The following ITGAE variants were observed in gnomAD, a reference collection of about 807,000 sequenced individuals.
ITGAE encodes the protein integrin alpha-E.
In ITGAE, 99 loss-of-function variants were observed where a neutral mutation model predicts 136.5. The ratio of observed to expected loss-of-function variants is 0.73; its 90% CI spans 0.62 to 0.86. The LOEUF (loss-of-function observed/expected upper bound fraction) is 0.86, where lower values mean the gene tolerates loss of function less well. Ranked by LOEUF, ITGAE falls within the 40% of genes least tolerant of loss-of-function variation. ITGAE has a pLI of 0.00. For missense variants in ITGAE, 1,447 were observed against 1,515.3 expected (o/e 0.95, Z 0.75); for synonymous variants, 613 against 591.8 (o/e 1.04, Z -0.52).
rs760673876 is a variant in ITGAE at position 3,799,565 on chromosome 17, C to T, written c.34+1546G>A. ...TGGGCTTGAGCCTCGTGTCTATTAT[C>T]AGTTGCTTGCAAGCCTGGGTAGTCA... On this transcript the variant is annotated intron_variant, in intron 1 of 30. Transcript: ENST00000263087. The surrounding 1 kb of genome is among the most constrained non-coding windows in gnomAD (Gnocchi z 4.1). 3.3e-5 allele frequency among the ~76,000 whole-genome samples: 5 copies of T among 152,008 alleles called. No individual in the cohort carries two copies. Among genetic ancestry groups the T allele is most frequent in the Non-Finnish European group, 7.4e-5 (5 of 68,010 alleles).
intron 1 of ITGAE, among the ~76,000 whole-genome samples, chr17:3,781,808 T>A (rs557600187): frequency 6.6e-6 from 1 of 152,204 alleles, no homozygotes; most frequent in African/African-American, 2.4e-5. Context: ...AGTTTGGAAA[T>A]GCTACCTTTA....
At chr17:3,743,700 T>C (rs2051642163) in intron 18 of ITGAE, 83 bp from the exon 19 acceptor site, 5 of 1,301,798 alleles carry the variant, frequency 3.8e-6, no homozygotes, top group Admixed American at 2.8e-5. Context: ...TCTTTTTCTT[T>C]TTTTCTTTTT....
In ITGAE at chr17:3,763,920, G is replaced by A; in HGVS notation, c.196C>T (p.Pro66Ser). ...TSPRTKRTPG[P>S]LHRCSLVQDE... Reference sequence around the variant, plus strand: ...TGGACAAGGGAACATCGATGGAGGGGCCCTGGTGTCCTCTTGGTTCTGGGG... The same window carrying A: ...TGGACAAGGGAACATCGATGGAGGGACCCTGGTGTCCTCTTGGTTCTGGGG... The change falls in exon 3 of 31, where the codon CCC becomes TCC. Residue 66 changes from proline to serine, a missense_variant. By Grantham distance (74) the Pro-to-Ser change is moderately conservative. Transcript: ENST00000263087. 1 of 1,613,804 alleles carries A rather than the reference G, an allele frequency of 6.2e-7. No homozygotes were observed.
Position 3,747,908 on chromosome 17 carries a change from G to T in ITGAE, c.2155+14C>A. The T allele has an allele frequency of 1.3e-6, 2 of 1,595,224 alleles. No individual in the cohort carries two copies. The highest frequency in any genetic ancestry group is 2.2e-5 in the South Asian group (2 of 90,610). On this transcript the variant is annotated intron_variant, in intron 17 of 30. Coordinates refer to ENST00000263087, the MANE Select transcript of ITGAE (RefSeq NM_002208.5). Reference sequence around the variant, plus strand: ...CATCACACCAGGCAGGGGTCAGCTGGACCATTTTTTTACCTGACTCAGAGG... The same window carrying T: ...CATCACACCAGGCAGGGGTCAGCTGTACCATTTTTTTACCTGACTCAGAGG...
intron 8 of ITGAE, among the ~76,000 whole-genome samples, chr17:3,758,193 CTG>C (rs1250695102): frequency 6.6e-6 from 1 of 152,216 alleles, no homozygotes; most frequent in African/African-American, 2.4e-5. Flanking sequence ...GTTGTAAACA[CTG>C]TATATTTTAA....
intron 1 of ITGAE, among the ~76,000 whole-genome samples, chr17:3,790,335 T>C (rs1257643125): frequency 1.3e-5 from 2 of 151,986 alleles, no homozygotes; most frequent in African/African-American, 2.4e-5. Context: ...AGTGAAACCC[T>C]ATCTCTACTA....
intron 11 of ITGAE, 37 bp downstream of exon 11, chr17:3,755,793 A>G (rs1360915882): frequency 6.4e-6 from 10 of 1,557,676 alleles, no homozygotes; most frequent in South Asian, 2.4e-5. Flanking sequence ...CCCCTCACCA[A>G]TGGGCAAGCC....
rs1455651631 is a variant in ITGAE at position 3,763,938 on chromosome 17, T to C, written c.178A>G (p.Thr60Ala). The C allele has an allele frequency of 6.2e-7, 1 of 1,613,284 alleles. No individual in the cohort carries two copies. Among genetic ancestry groups the C allele is most frequent in the Non-Finnish European group, 8.5e-7 (1 of 1,179,550 alleles). The change falls in exon 3 of 31, where the codon ACC becomes GCC. Residue 60 changes from threonine (T) to alanine (A), a missense_variant. Thr to Ala is a moderately conservative substitution (Grantham distance 58, BLOSUM62 0). This residue lies in a region of ITGAE where 106 missense variants were observed against 87.8 expected (regional missense o/e 1.21). Coordinates refer to ENST00000263087, the MANE Select transcript of ITGAE (RefSeq NM_002208.5). ...TGGAGGGGCCCTGGTGTCCTCTTGG[T>C]TCTGGGGCTGGTGACCAGGAGCCTG... ...QTWLLVTSPR[T>A]KRTPGPLHRC...
Position 3,733,852 on chromosome 17 carries a change from G to C in ITGAE, c.2655+965C>G, listed in dbSNP as rs116494684. 4.0e-3 allele frequency among the ~76,000 whole-genome samples: 610 copies of C among 152,316 alleles called. 3 individuals carry two copies. The highest frequency in any genetic ancestry group is 0.014 in the African/African-American group (593 of 41,582). On this transcript the variant is annotated intron_variant, in intron 21 of 30. Transcript: ENST00000263087. ...ATGGTAAAGCAGGGCTGAGTGTCAA[G>C]GAGTCAGTCACCAGCAGGCCAGCCT...
Position 3,734,810 on chromosome 17 carries a change from C to T in ITGAE, c.2655+7G>A, listed in dbSNP as rs1196271568. The T allele has an allele frequency of 1.9e-6, 3 of 1,613,954 alleles. No individual in the cohort carries two copies. The highest frequency in any genetic ancestry group is 2.5e-6 in the Non-Finnish European group (3 of 1,179,984). On this transcript the variant is annotated splice_region_variant and intron_variant, in intron 21 of 30. Coordinates refer to ENST00000263087, the MANE Select transcript of ITGAE (RefSeq NM_002208.5). The stretch of plus-strand genomic sequence containing the variant: ...GGACCTGTTTCCACAGCCACCGTCA[C>T]AGTCACCTTTTGCATCCTCTTCAAC...
chr17:3,740,583 C>G (rs1202685388), intron 19 of ITGAE, among the ~76,000 whole-genome samples: 1 of 152,216 alleles, frequency 6.6e-6, no homozygotes. Context: ...GCCATGTTGA[C>G]CAGGTTGGTC....
intron 14 of ITGAE, 41 bp from the exon 15 acceptor site, chr17:3,751,915 C>T (rs182592486): frequency 6.5e-7 from 1 of 1,544,024 alleles, no homozygotes; most frequent in Non-Finnish European, 8.9e-7. Context: ...AGAAGGGGTG[C>T]TAGGTGCCCA....
chr17:3,723,619 C>T (rs751099904), intron 27 of ITGAE, 69 bp downstream of exon 27: 34 of 1,442,864 alleles, frequency 2.4e-5, no homozygotes, highest in Non-Finnish European at 3.1e-5. Flanking sequence ...GAAAAACAGT[C>T]TCCTGGCCTC....
At chr17:3,779,164 G>T (rs73974124) in intron 1 of ITGAE, among the ~76,000 whole-genome samples, 31 of 152,196 alleles carry the variant, frequency 2.0e-4, no homozygotes, top group African/African-American at 7.2e-4. Context: ...AATTACCAAG[G>T]TGTGCATGTG....
chr17:3,732,614 T>C, intron 21 of ITGAE, 148 bp from the exon 22 acceptor site: 2 of 665,478 alleles, frequency 3.0e-6, no homozygotes, highest in Non-Finnish European at 5.3e-6. Context: ...GTCCACTTGG[T>C]CCCTGTCTTC....
intron 1 of ITGAE, among the ~76,000 whole-genome samples, chr17:3,793,542 C>T (rs556388448): frequency 1.2e-3 from 187 of 152,196 alleles, no homozygotes; most frequent in Non-Finnish European, 2.2e-3. Flanking sequence ...GGGGGAGCAG[C>T]AGGAACAGTA....
At chr17:3,795,606 G>T (rs570909678) in intron 1 of ITGAE, among the ~76,000 whole-genome samples, 52 of 152,354 alleles carry the variant, frequency 3.4e-4, no homozygotes, top group South Asian at 1.0e-3. Context: ...GGCACCGAGG[G>T]GTTGGTAAAC....
At chr17:3,742,138 G>A (rs2051602940) in intron 19 of ITGAE, among the ~76,000 whole-genome samples, 1 of 152,126 alleles carries the variant, frequency 6.6e-6, no homozygotes, top group Non-Finnish European at 1.5e-5. Context: ...GACAAATTGA[G>A]GAACATTCTA....
chr17:3,764,114 C>T (rs190136776), intron 2 of ITGAE, among the ~76,000 whole-genome samples, 154 bp from the exon 3 acceptor site: 1 of 152,222 alleles, frequency 6.6e-6, no homozygotes. Context: ...ATGGGGAAGA[C>T]ATTTGCCCAA....
Sources: allele counts gnomAD v4.1 joint callset (sites outside exome capture counted in the v4.1 genomes callset), GRCh38; gene constraint gnomAD v4.1.1; regional missense constraint gnomAD v4.1.1; non-coding constraint Gnocchi (gnomAD v3.1); transcripts MANE v1.5; gene names NCBI Gene and HGNC (gene_info 2026-07-23, HGNC 2026-07-21).